PPP1R16B: variants seen among roughly 807,000 people sequenced by gnomAD.
PPP1R16B encodes the protein protein phosphatase 1 regulatory inhibitor subunit 16B.
Under a neutral mutation model 61.7 loss-of-function variants are expected in PPP1R16B, and 14 were observed. The ratio of observed to expected loss-of-function variants is 0.23; its 90% confidence interval spans 0.15 to 0.35. The LOEUF (loss-of-function observed/expected upper bound fraction) is 0.35. Ranked by LOEUF, PPP1R16B falls within the 10% of genes least tolerant of loss-of-function variation. The pLI, the probability that PPP1R16B is intolerant of heterozygous loss-of-function variation, is 1.00. For missense variants in PPP1R16B, 547 were observed against 752.5 expected (o/e 0.73, Z 3.19); for synonymous variants, 266 against 305.3 (o/e 0.87, Z 1.34).
chr20:38,844,748 T>C (rs1259258438), intron 2 of PPP1R16B, among the ~76,000 whole-genome samples: 1 of 151,844 alleles, frequency 6.6e-6, no homozygotes, highest in African/African-American at 2.4e-5. Context: ...AAGTTAATTC[T>C]GTTAAAACAA....
intron 1 of PPP1R16B, among the ~76,000 whole-genome samples, chr20:38,809,985 GAAAAAAAAAA>G (rs11086731): frequency 0.021 from 1,674 of 80,154 alleles, 45 homozygotes; most frequent in African/African-American, 0.074. Context: ...ACCTTGTTTC[GAAAAAAAAAA>G]AAAAAAAAAA....
At chr20:38,898,679 G>T (rs1317072480) in intron 4 of PPP1R16B, among the ~76,000 whole-genome samples, 2 of 152,062 alleles carry the variant, frequency 1.3e-5, no homozygotes, top group Non-Finnish European at 2.9e-5. Context: ...GCGTGGTGGT[G>T]CACGCCTGTA....
rs141414039 is a variant in PPP1R16B at position 38,918,964 on chromosome 20, TA to T, written c.*301del. The T allele has an allele frequency of 0.011, 3,749 of 336,864 alleles. 145 individuals carry two copies. Among genetic ancestry groups the T allele is most frequent in the African/African-American group, 0.074 (3,491 of 47,426 alleles). 20.9% of individuals were successfully genotyped at this position (336,864 alleles called of 1,614,324 possible). ...TGAGATCCCAGCTCTATTCTTGGTA[TA>T]AAGGCTTCTCCGGATCAGTACATGC... On this transcript the variant is annotated 3_prime_UTR_variant, in exon 11 of 11. Coordinates refer to ENST00000299824, the MANE Select transcript of PPP1R16B (RefSeq NM_015568.4). The surrounding 1 kb of genome is among the most constrained non-coding windows in gnomAD (Gnocchi z 5.3).
intron 6 of PPP1R16B, among the ~76,000 whole-genome samples, chr20:38,903,075 G>C (rs2085409551): frequency 6.6e-6 from 1 of 152,176 alleles, no homozygotes; most frequent in Admixed American, 6.5e-5. Context: ...GGGAGTTTGA[G>C]TTTGAGTTGT....
intron 2 of PPP1R16B, among the ~76,000 whole-genome samples, chr20:38,840,349 C>T (rs2084902156): frequency 6.6e-6 from 1 of 151,996 alleles, no homozygotes; most frequent in Admixed American, 6.6e-5. Flanking sequence ...GAGTTGTTTC[C>T]AGAGAAAGGC....
chr20:38,870,873 A>G (rs2085124253), intron 2 of PPP1R16B, among the ~76,000 whole-genome samples: 1 of 151,178 alleles, frequency 6.6e-6, no homozygotes, highest in South Asian at 2.1e-4. Context: ...GGGCGTGGTT[A>G]GTGGCAGCTG....
chr20:38,882,343 T>C (rs1326675188), intron 2 of PPP1R16B, among the ~76,000 whole-genome samples: 1 of 151,924 alleles, frequency 6.6e-6, no homozygotes, highest in Non-Finnish European at 1.5e-5. Context: ...GGGTGTCTGC[T>C]CACTCATTTT....
intron 2 of PPP1R16B, among the ~76,000 whole-genome samples, chr20:38,875,646 T>C (rs2085160351): frequency 6.6e-6 from 1 of 152,114 alleles, no homozygotes; most frequent in Non-Finnish European, 1.5e-5. Context: ...AAAAATACCA[T>C]CCTTTTTGCA....
intron 2 of PPP1R16B, among the ~76,000 whole-genome samples, chr20:38,865,619 T>C (rs1279082606): frequency 6.6e-6 from 1 of 152,156 alleles, no homozygotes; most frequent in Non-Finnish European, 1.5e-5. Context: ...CGTCACCTGG[T>C]ACACCTTCCA....
intron 5 of PPP1R16B, 133 bp downstream of exon 5, chr20:38,900,817 T>A: frequency 1.7e-6 from 1 of 576,868 alleles, no homozygotes; most frequent in Non-Finnish European, 2.9e-6. Context: ...ATAGGATGGG[T>A]CCCCATTCAT....
chr20:38,855,982 A>G (rs139299392), intron 2 of PPP1R16B, among the ~76,000 whole-genome samples: 3,196 of 40,226 alleles, frequency 0.079, 615 homozygotes, highest in East Asian at 0.11. Context: ...AGAGAGAGAG[A>G]AGGAGGAGGA....
At chr20:38,888,011 C>T (rs565524962) in intron 2 of PPP1R16B, among the ~76,000 whole-genome samples, 3 of 152,360 alleles carry the variant, frequency 2.0e-5, no homozygotes, top group East Asian at 3.9e-4. Flanking sequence ...CTGGCACCCC[C>T]TGGAGTTGCT....
At chr20:38,848,492 G>A (rs1300911008) in intron 2 of PPP1R16B, among the ~76,000 whole-genome samples, 5 of 152,086 alleles carry the variant, frequency 3.3e-5, no homozygotes, top group Non-Finnish European at 5.9e-5. Context: ...TTTCATCCTT[G>A]TAGGTTTATA....
At chr20:38,852,747 C>CTT (rs1185726609) in intron 2 of PPP1R16B, among the ~76,000 whole-genome samples, 955 of 31,526 alleles carry the variant, frequency 0.03, 147 homozygotes, top group African/African-American at 0.038. Flanking sequence ...CCACTGTTTC[C>CTT]TTTTTTTTTT....
chr20:38,807,517 C>G (rs1396056227), intron 1 of PPP1R16B, among the ~76,000 whole-genome samples: 1 of 152,042 alleles, frequency 6.6e-6, no homozygotes, highest in East Asian at 1.9e-4. Flanking sequence ...CCACATCTTC[C>G]TCCCCCAGCT....
intron 1 of PPP1R16B, among the ~76,000 whole-genome samples, chr20:38,818,869 C>T (rs2084756206): frequency 6.6e-6 from 1 of 151,810 alleles, no homozygotes; most frequent in Non-Finnish European, 1.5e-5. Context: ...GCCTCAACCT[C>T]CTGGGCTTAG....
In PPP1R16B at chr20:38,875,171, A is replaced by T. The variant is rs1358106679; in HGVS notation, c.251-14424A>T. On this transcript the variant is annotated intron_variant, in intron 2 of 10. Transcript: ENST00000299824. ...CGAGAGCTCAGGACATTTTCAGCAA[A>T]TGGCTCCCAAGTCCCATACATCACT... Among the ~76,000 whole-genome samples the T allele has an allele frequency of 2.6e-5, 4 of 152,126 alleles. No homozygotes were observed. In the South Asian group the frequency reaches 8.3e-4, roughly 32 times the overall value.
At chr20:38,822,320 A>G (rs146623187) in intron 1 of PPP1R16B, among the ~76,000 whole-genome samples, 1 of 151,982 alleles carries the variant, frequency 6.6e-6, no homozygotes, top group Non-Finnish European at 1.5e-5. Context: ...AAACTCCTCA[A>G]ATAGTAAGAG....
rs566276780 is a variant in PPP1R16B, at chr20:38,848,055, C to T, written c.250+11880C>T. Among the ~76,000 whole-genome samples, 9 of 152,254 alleles carry T rather than the reference C, an allele frequency of 5.9e-5. No homozygotes were observed. In the East Asian group the frequency reaches 1.5e-3, roughly 26 times the overall value. ...TTATTGGAACACAGCCATGCCCATT[C>T]ATTTACATATTATCTATGGCTGCTT... On this transcript the variant is annotated intron_variant, in intron 2 of 10. Coordinates refer to ENST00000299824, the MANE Select transcript of PPP1R16B (RefSeq NM_015568.4).
Sources: allele counts gnomAD v4.1 joint callset (sites outside exome capture counted in the v4.1 genomes callset), GRCh38; gene constraint gnomAD v4.1.1; non-coding constraint Gnocchi (gnomAD v3.1); transcripts MANE v1.5; gene names NCBI Gene and HGNC (gene_info 2026-07-23, HGNC 2026-07-21).